The following NYAP2 variants were observed in gnomAD, a reference collection of about 807,000 sequenced individuals.
NYAP2 encodes the protein neuronal tyrosine-phosphorylated phosphoinositide-3-kinase adaptor 2, also known as neuronal tyrosine-phosphorylated phosphoinositide-3-kinase adapter 2.
A neutral mutation model predicts 50.4 loss-of-function variants in NYAP2; 23 were observed. The ratio of observed to expected loss-of-function variants is 0.46; its 90% CI spans 0.33 to 0.65. NYAP2 has a LOEUF of 0.65. NYAP2 is among the 30% of genes least tolerant of loss of function. NYAP2 has a pLI of 0.02. For missense variants in NYAP2, 885 were observed against 861.0 expected (o/e 1.03, Z -0.35); for synonymous variants, 394 against 365.2 (o/e 1.08, Z -0.90).
chr2:225,647,858 G>A (rs1693660232), intron 6 of NYAP2, among the ~76,000 whole-genome samples: 2 of 152,164 alleles, frequency 1.3e-5, no homozygotes, highest in Middle Eastern at 3.4e-3. Context: ...AAAATGGTGA[G>A]ATATGGTTTG....
At chr2:225,690,728 A>T in the NYAP2 span, among the ~76,000 whole-genome samples, 1 of 152,122 alleles carries the variant, frequency 6.6e-6, no homozygotes, top group Admixed American at 6.6e-5. Context: ...AAATTTTCTA[A>T]ATAAATTTCT....
chr2:225,596,029 A>AT (rs1413952962), intron 5 of NYAP2, among the ~76,000 whole-genome samples: 2 of 151,926 alleles, frequency 1.3e-5, no homozygotes, highest in South Asian at 2.1e-4. Flanking sequence ...AATTCCATAT[A>AT]TTTTTTTGAG....
chr2:225,630,415 T>C (rs1693285897), intron 6 of NYAP2, among the ~76,000 whole-genome samples: 1 of 152,220 alleles, frequency 6.6e-6, no homozygotes, highest in Non-Finnish European at 1.5e-5. Context: ...GTTTTCATGA[T>C]GACAAAGCTG....
intron 3 of NYAP2, among the ~76,000 whole-genome samples, chr2:225,481,789 C>G (rs574435748): frequency 6.6e-6 from 1 of 152,036 alleles, no homozygotes; most frequent in African/African-American, 2.4e-5. Flanking sequence ...CCTTAGGCAT[C>G]CATTTATCAT....
At chr2:225,529,845 G>C (rs144034529) in intron 4 of NYAP2, among the ~76,000 whole-genome samples, 2,833 of 152,114 alleles carry the variant, frequency 0.019, 93 homozygotes, top group African/African-American at 0.065. Flanking sequence ...GTAGCTAAGA[G>C]TACAGGTGCC....
chr2:225,422,068 T>C (rs1040307799), intron 3 of NYAP2, among the ~76,000 whole-genome samples: 1 of 152,188 alleles, frequency 6.6e-6, no homozygotes. Flanking sequence ...TCAATTCCAA[T>C]ATTTCTTTTC....
intron 5 of NYAP2, among the ~76,000 whole-genome samples, chr2:225,603,666 T>A (rs2106243311): frequency 6.6e-6 from 1 of 152,248 alleles, no homozygotes; most frequent in South Asian, 2.1e-4. Context: ...CTCAATGATT[T>A]TTTTGGGTTC....
chr2:225,486,881 C>T (rs1277598416), intron 3 of NYAP2, among the ~76,000 whole-genome samples: 4 of 152,204 alleles, frequency 2.6e-5, no homozygotes, highest in Non-Finnish European at 4.4e-5. Context: ...CCTAGAATTC[C>T]CTACATTTAA....
At chr2:225,693,340 T>C in the NYAP2 span, among the ~76,000 whole-genome samples, 1 of 151,942 alleles carries the variant, frequency 6.6e-6, no homozygotes, top group African/African-American at 2.4e-5. Flanking sequence ...TTCTCATGAT[T>C]AGAGTGGAGT....
At chr2:225,561,861 T>C (rs558362879) in intron 4 of NYAP2, among the ~76,000 whole-genome samples, 1 of 152,262 alleles carries the variant, frequency 6.6e-6, no homozygotes, top group South Asian at 2.1e-4. Context: ...TGTGCTCATC[T>C]GGATGGGGTC....
intron 3 of NYAP2, among the ~76,000 whole-genome samples, chr2:225,421,781 G>A (rs1695218514): frequency 6.6e-6 from 1 of 152,078 alleles, no homozygotes. Flanking sequence ...GATTTTGCTG[G>A]GCCCTATTTG....
intron 3 of NYAP2, among the ~76,000 whole-genome samples, chr2:225,455,397 A>G (rs562289065): frequency 6.6e-6 from 1 of 152,212 alleles, no homozygotes; most frequent in African/African-American, 2.4e-5. Context: ...TCAGCTATAC[A>G]TTATCCACTA....
intron 3 of NYAP2, among the ~76,000 whole-genome samples, chr2:225,478,261 A>T (rs1424150466): frequency 6.6e-6 from 1 of 152,116 alleles, no homozygotes; most frequent in Non-Finnish European, 1.5e-5. Context: ...ATGGAGGATG[A>T]AGAGTCGGGG....
chr2:225,482,107 T>G (rs1690216603), intron 3 of NYAP2, among the ~76,000 whole-genome samples: 1 of 152,162 alleles, frequency 6.6e-6, no homozygotes, highest in South Asian at 2.1e-4. Flanking sequence ...TAGTAATAAT[T>G]CCTATTCCAT....
At chr2:225,450,916 A>G (rs1689640129) in intron 3 of NYAP2, among the ~76,000 whole-genome samples, 1 of 152,152 alleles carries the variant, frequency 6.6e-6, no homozygotes, top group African/African-American at 2.4e-5. Context: ...TGTCGGACCT[A>G]GGTTGAATGC....
intron 3 of NYAP2, among the ~76,000 whole-genome samples, chr2:225,475,912 A>G (rs956973364): frequency 2.6e-5 from 4 of 152,218 alleles, no homozygotes; most frequent in Non-Finnish European, 4.4e-5. Flanking sequence ...TCATTTTACA[A>G]TGAAAGTAAC....
chr2:225,488,722 T>A (rs893802860), intron 3 of NYAP2, among the ~76,000 whole-genome samples: 1 of 152,184 alleles, frequency 6.6e-6, no homozygotes, highest in African/African-American at 2.4e-5. Flanking sequence ...TTGATAGGAT[T>A]TTTATTTCCC....
At chr2:225,492,356 G>T (rs942824490) in intron 3 of NYAP2, among the ~76,000 whole-genome samples, 2 of 152,200 alleles carry the variant, frequency 1.3e-5, no homozygotes, top group East Asian at 3.9e-4. Context: ...ATAACTCTGG[G>T]GATAGGTAGG....
chr2:225,591,882 T>C (rs1487754860), intron 5 of NYAP2, among the ~76,000 whole-genome samples: 1 of 152,196 alleles, frequency 6.6e-6, no homozygotes, highest in Non-Finnish European at 1.5e-5. Context: ...AACTACTTAA[T>C]GATTGGCATC....
Sources: gnomAD v4.1 joint callset for allele counts (sites outside exome capture counted in the v4.1 genomes callset) on GRCh38, gnomAD v4.1.1 for gene constraint, MANE v1.5 for transcripts, NCBI Gene and HGNC (gene_info 2026-07-23, HGNC 2026-07-21) for gene names.